The following TMLHE variants were observed in gnomAD, a reference collection of about 807,000 sequenced individuals.
The protein encoded by TMLHE is trimethyllysine hydroxylase, epsilon, also known as trimethyllysine dioxygenase, mitochondrial.
TMLHE carries 18 observed loss-of-function variants against 25.7 expected under a neutral mutation model. That is an observed-to-expected ratio of 0.70 (90% CI 0.48 to 1.04). TMLHE has a LOEUF of 1.04. Among genes scored for constraint, TMLHE ranks in the 50% least tolerant of loss-of-function variants. TMLHE has a pLI of 0.00. For missense variants in TMLHE, 236 were observed against 259.0 expected (o/e 0.91, Z 0.61); for synonymous variants, 105 against 97.0 (o/e 1.08, Z -0.49).
Position 155,533,400 on chromosome X carries a change from T to C in TMLHE, c.182-8768A>G, listed in dbSNP as rs868921642. Among the ~76,000 whole-genome samples the C allele has an allele frequency of 7.9e-5, 7 of 89,049 alleles. No homozygotes were observed. In the East Asian group the frequency reaches 1.1e-3, roughly 14 times the overall value. The allele number at this position is 89,049 out of a possible 115,157, so 77.3% of individuals were successfully genotyped here. A position where few individuals can be genotyped will look rare whatever the true frequency, so the allele number is the denominator to read the frequency against. ...ACACGCACACACACACACACACACA[T>C]ATATATCCCCCTATTGGTTCTGTTC... On this transcript the variant is annotated intron_variant, in intron 2 of 7. Transcript: ENST00000334398.
chrX:155,557,042 T>G (rs1395317587), intron 1 of TMLHE, among the ~76,000 whole-genome samples: 1 of 112,311 alleles, frequency 8.9e-6, no homozygotes, highest in East Asian at 2.8e-4. Context: ...GCTGTTATCC[T>G]GTTCTTTTTT....
intron 2 of TMLHE, among the ~76,000 whole-genome samples, chrX:155,533,624 G>GAA (rs1158518818): frequency 9.2e-6 from 1 of 108,354 alleles, no homozygotes; most frequent in Non-Finnish European, 1.9e-5. Flanking sequence ...TAAGAGGTCA[G>GAA]AAAAAAAAAG....
intron 1 of TMLHE, among the ~76,000 whole-genome samples, chrX:155,552,128 T>G (rs978607676): frequency 9.1e-6 from 1 of 110,111 alleles, no homozygotes; most frequent in Non-Finnish European, 1.9e-5. Flanking sequence ...CATCACTGTT[T>G]ACAATTTTCT....
chrX:155,602,596 G>GA (rs1410996330), intron 1 of TMLHE, among the ~76,000 whole-genome samples: 1 of 110,350 alleles, frequency 9.1e-6, no homozygotes. Flanking sequence ...CCAGGCTGGG[G>GA]AAAAAAAATA....
intron 2 of TMLHE, among the ~76,000 whole-genome samples, chrX:155,535,778 C>T (rs2067275582): frequency 8.9e-6 from 1 of 111,846 alleles, no homozygotes; most frequent in African/African-American, 3.3e-5. Context: ...ATACTCTTTC[C>T]AATGAAATTT....
intron 1 of TMLHE, among the ~76,000 whole-genome samples, chrX:155,559,806 T>G (rs1225319271): frequency 8.9e-6 from 1 of 112,427 alleles, no homozygotes; most frequent in Non-Finnish European, 1.9e-5. Flanking sequence ...TGCCATAGAC[T>G]AGATGGTTTC....
At chrX:155,522,000 G>A (rs1369212903) in intron 3 of TMLHE, among the ~76,000 whole-genome samples, 1 of 109,390 alleles carries the variant, frequency 9.1e-6, no homozygotes, top group African/African-American at 3.3e-5. Context: ...CTCACGCTGG[G>A]AGCTGTACAC....
intron 1 of TMLHE, among the ~76,000 whole-genome samples, chrX:155,556,358 C>T (rs189783713): frequency 1.1e-3 from 127 of 111,169 alleles, no homozygotes; most frequent in Admixed American, 2.2e-3. Context: ...CCGATAATCA[C>T]GTGGGTTCTT....
chrX:155,546,623 A>G (rs1205995818), intron 1 of TMLHE, among the ~76,000 whole-genome samples: 1 of 111,498 alleles, frequency 9.0e-6, no homozygotes, highest in African/African-American at 3.3e-5. Context: ...AATTAAAGCC[A>G]TAGCTAGAGA....
intron 1 of TMLHE, among the ~76,000 whole-genome samples, chrX:155,601,011 C>G: frequency 8.9e-6 from 1 of 111,787 alleles, no homozygotes; most frequent in Non-Finnish European, 1.9e-5. Flanking sequence ...GCATCAGAGG[C>G]CACACCCTGT....
chrX:155,541,803 T>A (rs2067314236), intron 2 of TMLHE, among the ~76,000 whole-genome samples: 1 of 112,109 alleles, frequency 8.9e-6, no homozygotes, highest in Non-Finnish European at 1.9e-5. Context: ...CCAGTGATGA[T>A]GAGCTTTTTT....
rs781839516 is a variant in TMLHE at position 155,555,624 on chromosome X, A to G, written c.-1-10347T>C. Among the ~76,000 whole-genome samples, 713 of 111,127 alleles carry G rather than the reference A, an allele frequency of 6.4e-3. 20 individuals carry two copies. The highest frequency in any genetic ancestry group is 0.023 in the African/African-American group (691 of 30,403). The stretch of plus-strand genomic sequence containing the variant: ...GGTTTTGATTTGCATTTCTCTGATG[A>G]CCAGTGATGATGAGCATTTTTTCAT... On this transcript the variant is annotated intron_variant, in intron 1 of 7. Transcript: ENST00000334398.
At chrX:155,576,150 T>G (rs1193608739) in intron 1 of TMLHE, among the ~76,000 whole-genome samples, 3 of 111,626 alleles carry the variant, frequency 2.7e-5, no homozygotes, top group Non-Finnish European at 5.6e-5. Context: ...AAATCAGCAC[T>G]TCAGCAAAGT....
At chrX:155,594,654 T>C (rs1557346340) in intron 1 of TMLHE, among the ~76,000 whole-genome samples, 1 of 111,892 alleles carries the variant, frequency 8.9e-6, no homozygotes, top group East Asian at 2.8e-4. Flanking sequence ...CTATGAAAAA[T>C]AACTATAATT....
chrX:155,535,733 C>T (rs781969255), intron 2 of TMLHE, among the ~76,000 whole-genome samples: 3 of 111,533 alleles, frequency 2.7e-5, no homozygotes, highest in East Asian at 5.6e-4. Flanking sequence ...CCTAACTAAC[C>T]CCTGTCTCCA....
At chrX:155,548,538 A>AG (rs1352307992) in intron 1 of TMLHE, among the ~76,000 whole-genome samples, 3 of 109,608 alleles carry the variant, frequency 2.7e-5, no homozygotes, top group Non-Finnish European at 3.8e-5. Context: ...GTATGAGGCC[A>AG]GCCTGACTAA....
chrX:155,514,132 C>G lies in TMLHE; in HGVS notation c.492G>C (p.Ser164=). ...AEIYQQAQVP[S]VDCQSFLETN... ...TTTCTAAGAAGCTCTGGCAATCTACCGATGGAACTTGGGCTTGCTGGTAGA... is the reference window on the plus strand; with the variant it reads ...TTTCTAAGAAGCTCTGGCAATCTACGGATGGAACTTGGGCTTGCTGGTAGA... The change falls in exon 4 of 8, where the codon TCG becomes TCC. Residue 164 remains serine, a synonymous_variant. Transcript: ENST00000334398. 8.3e-7 allele frequency: 1 copy of G among 1,210,996 alleles called. No homozygotes were observed. The highest frequency in any genetic ancestry group is 2.3e-4 in the Middle Eastern group (1 of 4,346).
chrX:155,523,141 C>G (rs1255606285), intron 3 of TMLHE, among the ~76,000 whole-genome samples: 2 of 111,792 alleles, frequency 1.8e-5, no homozygotes, highest in Non-Finnish European at 3.8e-5. Context: ...TATTCGCCAT[C>G]TGTATATCCT....
intron 2 of TMLHE, among the ~76,000 whole-genome samples, chrX:155,541,008 T>C (rs1468707554): frequency 2.7e-5 from 3 of 111,475 alleles, no homozygotes; most frequent in Non-Finnish European, 5.7e-5. Flanking sequence ...GTGACCGATC[T>C]AAGAAGAAAA....
Sources: gnomAD v4.1 joint callset for allele counts (sites outside exome capture counted in the v4.1 genomes callset) on GRCh38, gnomAD v4.1.1 for gene constraint, MANE v1.5 for transcripts, NCBI Gene and HGNC (gene_info 2026-07-23, HGNC 2026-07-21) for gene names.